The following ERMP1 variants were observed in gnomAD, a reference collection of about 807,000 sequenced individuals.
ERMP1 encodes Felix-ina.
A neutral mutation model predicts 92.0 loss-of-function variants in ERMP1; 86 were observed. The observed-to-expected ratio is 0.93, with a 90% confidence interval of 0.79 to 1.12. The LOEUF (loss-of-function observed/expected upper bound fraction) is 1.12, where lower values mean the gene tolerates loss of function less well. Among genes scored for constraint, ERMP1 ranks in the 50% most tolerant of loss-of-function variants. The probability of loss-of-function intolerance (pLI) is 0.00; values close to 1 mark genes in which losing one functional copy is unlikely to be tolerated. For synonymous variants in ERMP1, 530 were observed against 412.8 expected, an observed-to-expected ratio of 1.28 and a Z score of -3.44; for missense variants, 1,342 against 1,116.3, an observed-to-expected ratio of 1.20 and a Z score of -2.88.
At position 5,805,640 on chromosome 9, in the gene ERMP1, A is replaced by C; in HGVS notation, c.1694T>G (p.Leu565Arg). ...VWVAFPLLTK[L>R]CVHKDFKQHG... The stretch of plus-strand genomic sequence containing the variant: ...CTGCTTGAAGTCCTTATGCACACAG[A>C]GCTTTGTGAGCAATGGGAATGCTAC... Residue 565 changes from leucine to arginine, a missense_variant, in exon 9 of 15, where the codon CTC becomes CGC. Leu to Arg is a moderately radical substitution (Grantham distance 102). Coordinates refer to ENST00000339450, the MANE Select transcript of ERMP1 (RefSeq NM_024896.3). 6.2e-7 allele frequency: 1 copy of C among 1,606,670 alleles called. No individual in the cohort carries two copies. The highest frequency in any genetic ancestry group is 8.5e-7 in the Non-Finnish European group (1 of 1,177,628).
upstream of ERMP1, among the ~76,000 whole-genome samples, chr9:5,838,070 C>T (rs1465490289): frequency 6.6e-6 from 1 of 151,978 alleles, no homozygotes; most frequent in Non-Finnish European, 1.5e-5. Flanking sequence ...TGCCCTCCAG[C>T]CTGGATTATA....
intron 6 of ERMP1, among the ~76,000 whole-genome samples, chr9:5,858,944 T>C (rs955203766): frequency 2.0e-5 from 3 of 152,234 alleles, no homozygotes; most frequent in South Asian, 2.1e-4. Flanking sequence ...ACCAAGTCCC[T>C]ATATGCCTGG....
intron 4 of ERMP1, among the ~76,000 whole-genome samples, chr9:5,823,340 C>G (rs1829612355): frequency 6.6e-6 from 1 of 152,020 alleles, no homozygotes; most frequent in Non-Finnish European, 1.5e-5. Context: ...TTTTAACATT[C>G]CACTAAATCA....
intron 6 of ERMP1, among the ~76,000 whole-genome samples, chr9:5,841,404 G>T (rs1286323659): frequency 6.6e-6 from 1 of 152,208 alleles, no homozygotes; most frequent in Non-Finnish European, 1.5e-5. Context: ...ATAGGTAACT[G>T]CATAGAGGCA....
upstream of ERMP1, among the ~76,000 whole-genome samples, chr9:5,834,349 G>A (rs1250152096): frequency 6.6e-6 from 1 of 152,120 alleles, no homozygotes; most frequent in African/African-American, 2.4e-5. Context: ...TCCCCTATTT[G>A]TAGGATCTCA....
intron 1 of ERMP1, among the ~76,000 whole-genome samples, chr9:5,831,330 G>T (rs1317462518): frequency 2.0e-5 from 3 of 152,182 alleles, no homozygotes; most frequent in Non-Finnish European, 2.9e-5. Flanking sequence ...CACTGGCCAG[G>T]CACGGTGGCT....
At chr9:5,825,708 A>T (rs1348191720) in intron 2 of ERMP1, among the ~76,000 whole-genome samples, 1 of 152,156 alleles carries the variant, frequency 6.6e-6, no homozygotes, top group East Asian at 1.9e-4. Context: ...GGATGGTGTA[A>T]CATTCCTTTA....
chr9:5,792,847 G>C (rs759225751), intron 13 of ERMP1, among the ~76,000 whole-genome samples: 2 of 152,022 alleles, frequency 1.3e-5, no homozygotes, highest in African/African-American at 4.8e-5. Flanking sequence ...GAATATAAAA[G>C]AATAGAACAA....
chr9:5,829,700 TG>T (rs375199224), intron 2 of ERMP1, among the ~76,000 whole-genome samples: 1 of 152,216 alleles, frequency 6.6e-6, no homozygotes, highest in Non-Finnish European at 1.5e-5. Flanking sequence ...AAGAACTGAC[TG>T]GCCAGGAAAT....
Position 5,787,583 on chromosome 9 carries a change from A to G in ERMP1, c.2397T>C (p.His799=), listed in dbSNP as rs1282032195. ...TGTGGGCTCGAACATAGAAGGACATATGGCTTGGTCCTGTAAGGTAAAAGG... is the reference window on the plus strand; with the variant it reads ...TGTGGGCTCGAACATAGAAGGACATGTGGCTTGGTCCTGTAAGGTAAAAGG... ...KLTFEATGPS[H]MSFYVRAHKG... The change falls in exon 14 of 15, where the codon CAT becomes CAC. Residue 799 remains histidine (H), a synonymous_variant. Coordinates refer to ENST00000339450, the MANE Select transcript of ERMP1 (RefSeq NM_024896.3). 1 of 1,612,612 alleles carries G rather than the reference A, an allele frequency of 6.2e-7. No individual in the cohort carries two copies.
intron 4 of ERMP1, among the ~76,000 whole-genome samples, chr9:5,815,328 T>C (rs957527679): frequency 3.3e-5 from 5 of 152,126 alleles, no homozygotes; most frequent in African/African-American, 1.2e-4. Context: ...AGTTGAAACA[T>C]CTGTGCCAGA....
chr9:5,812,173 T>C lies in ERMP1; in HGVS notation c.1066A>G (p.Lys356Glu). The C allele has an allele frequency of 3.1e-6, 5 of 1,611,414 alleles. No individual in the cohort carries two copies. Among genetic ancestry groups the C allele is most frequent in the Non-Finnish European group, 4.2e-6 (5 of 1,178,512 alleles). ...FIENGYIYHT[K>E]YDTADRILTD... ...AGAATTCTGTCCGCTGTGTCATACT[T>C]GGTGTGATAAATGTATCCATTCTCA... Residue 356 changes from lysine to glutamate, a missense_variant, in exon 6 of 15, where the codon AAG becomes GAG. Coordinates refer to ENST00000339450, the MANE Select transcript of ERMP1 (RefSeq NM_024896.3).
intron 2 of ERMP1, among the ~76,000 whole-genome samples, chr9:5,827,881 G>A (rs1034620943): frequency 6.6e-6 from 1 of 152,214 alleles, no homozygotes; most frequent in Admixed American, 6.5e-5. Context: ...GGGAGGCTGA[G>A]GCAAGAGAAT....
intron 5 of ERMP1, among the ~76,000 whole-genome samples, chr9:5,867,061 T>C (rs2066415): frequency 0.54 from 82,626 of 151,950 alleles, 23,107 homozygotes; most frequent in South Asian, 0.63. Context: ...CTGAGCATGC[T>C]GGCGCACACC....
chr9:5,793,694 C>T (rs1178492957), intron 13 of ERMP1, among the ~76,000 whole-genome samples: 2 of 151,896 alleles, frequency 1.3e-5, no homozygotes, highest in South Asian at 2.1e-4. Flanking sequence ...AAATTAGCAG[C>T]GATAAAGAGG....
chr9:5,809,683 A>G (rs1258491589), intron 8 of ERMP1, among the ~76,000 whole-genome samples: 1 of 152,236 alleles, frequency 6.6e-6, no homozygotes, highest in African/African-American at 2.4e-5. Context: ...GAGAACAGAT[A>G]TTCAAATAAC....
intron 2 of ERMP1, among the ~76,000 whole-genome samples, chr9:5,829,069 C>A (rs1002675449): frequency 6.6e-6 from 1 of 151,902 alleles, no homozygotes; most frequent in African/African-American, 2.4e-5. Context: ...CATGGTGAAA[C>A]CCTGTCGCTG....
chr9:5,858,335 G>A (rs111829766), intron 6 of ERMP1, among the ~76,000 whole-genome samples: 2,540 of 152,306 alleles, frequency 0.017, 76 homozygotes, highest in East Asian at 0.13. Flanking sequence ...ACAGGTTAAA[G>A]CACTGCATGA....
At chr9:5,864,868 T>G (rs565401777) in intron 5 of ERMP1, among the ~76,000 whole-genome samples, 95 of 152,248 alleles carry the variant, frequency 6.2e-4, no homozygotes, top group African/African-American at 2.3e-3. Flanking sequence ...TGGCATGATA[T>G]TAAAATAAAT....
Sources: gnomAD v4.1 joint callset for allele counts (sites outside exome capture counted in the v4.1 genomes callset) on GRCh38, gnomAD v4.1.1 for gene constraint, MANE v1.5 for transcripts, NCBI Gene and HGNC (gene_info 2026-07-23, HGNC 2026-07-21) for gene names.